The following CEP128 variants were observed in gnomAD, a reference collection of about 807,000 sequenced individuals.
CEP128 encodes the protein centrosomal protein 128kDa.
A neutral mutation model predicts 156.7 loss-of-function variants in CEP128; 132 were observed. That is an observed-to-expected ratio of 0.84 (90% CI 0.73 to 0.97). The LOEUF is 0.97. Among genes scored for constraint, CEP128 ranks in the 50% least tolerant of loss-of-function variants. The probability of loss-of-function intolerance (pLI) is 0.00; values close to 1 mark genes in which losing one functional copy is unlikely to be tolerated. For missense variants in CEP128, 1,252 were observed against 1,281.9 expected (o/e 0.98, Z 0.36); for synonymous variants, 469 against 448.9 (o/e 1.04, Z -0.57).
chr14:80,764,979 C>T (rs1030080571), intron 16 of CEP128, among the ~76,000 whole-genome samples: 1 of 152,140 alleles, frequency 6.6e-6, no homozygotes, highest in Admixed American at 6.5e-5. Context: ...CATACTTCAG[C>T]AGTTATAATT....
rs1319698723 is a variant in CEP128 at position 80,582,396 on chromosome 14, G to A, written c.2807-1973C>T. On this transcript the variant is annotated intron_variant, in intron 19 of 24. Coordinates refer to ENST00000555265, the MANE Select transcript of CEP128 (RefSeq NM_152446.5). ...ATAGAGATAACTAATAGATGCACTG[G>A]AAAAGAGGATCCCAAATCTGAAGGC... 2.0e-5 allele frequency among the ~76,000 whole-genome samples: 3 copies of A among 152,114 alleles called. No individual in the cohort carries two copies. The South Asian group carries it at 6.2e-4, about 32-fold the overall frequency.
At chr14:80,902,968 T>C (rs935546920) in intron 6 of CEP128, among the ~76,000 whole-genome samples, 3 of 152,284 alleles carry the variant, frequency 2.0e-5, no homozygotes, top group Non-Finnish European at 2.9e-5. Context: ...ACTTTGTACA[T>C]TGAAAATAAA....
At chr14:80,566,024 T>C (rs933249111) in intron 20 of CEP128, among the ~76,000 whole-genome samples, 2 of 152,154 alleles carry the variant, frequency 1.3e-5, no homozygotes, top group South Asian at 2.1e-4. Context: ...TTGAAGAGTA[T>C]AGAATAATTC....
chr14:80,691,848 T>C (rs560202191), intron 19 of CEP128, among the ~76,000 whole-genome samples: 2 of 152,328 alleles, frequency 1.3e-5, no homozygotes, highest in East Asian at 3.9e-4. Context: ...TTGTAAAGTG[T>C]TCCACACCTA....
At position 80,681,948 on chromosome 14, in the gene CEP128, A is replaced by C. The variant is rs181112053; in HGVS notation, c.2806+61127T>G. Among the ~76,000 whole-genome samples the C allele has an allele frequency of 1.8e-4, 27 of 152,270 alleles. No homozygotes were observed. The East Asian group carries it at 5.0e-3, about 28-fold the overall frequency. ...GCAAGGCCCTGTCTCTATGAAAAAAATAAACAAAAATAAGCCAGGCAGGGT... is the reference window on the plus strand; with the variant it reads ...GCAAGGCCCTGTCTCTATGAAAAAACTAAACAAAAATAAGCCAGGCAGGGT... On this transcript the variant is annotated intron_variant, in intron 19 of 24. Coordinates refer to ENST00000555265, the MANE Select transcript of CEP128 (RefSeq NM_152446.5).
At chr14:80,763,590 T>G (rs1007228142) in intron 16 of CEP128, among the ~76,000 whole-genome samples, 21 of 152,328 alleles carry the variant, frequency 1.4e-4, no homozygotes, top group Middle Eastern at 3.4e-3. Context: ...CCTGAACTCC[T>G]GAAGCAAATC....
rs144440047 is a variant in CEP128 at position 80,491,377 on chromosome 14, C to G, written c.*11-655G>C. Among the ~76,000 whole-genome samples, 1,283 of 152,032 alleles carry G rather than the reference C, an allele frequency of 8.4e-3. 9 individuals are homozygous for G. Among genetic ancestry groups the G allele is most frequent in the Middle Eastern group, 0.031 (9 of 292 alleles). ...CAGTGACTCTGGGCAGGAAGTGCCT[C>G]GTTAGAACTGTTGCATCTATTTTAC... On this transcript the variant is annotated intron_variant, in intron 6 of 6. Transcript: ENST00000556061.
chr14:80,946,585 A>G (rs1234309054), upstream of CEP128, among the ~76,000 whole-genome samples: 1 of 152,120 alleles, frequency 6.6e-6, no homozygotes, highest in Non-Finnish European at 1.5e-5. Context: ...ATCAATAAAA[A>G]GGTTCTGGAA....
chr14:80,646,484 C>T (rs757713495), intron 19 of CEP128, among the ~76,000 whole-genome samples: 1 of 151,752 alleles, frequency 6.6e-6, no homozygotes, highest in Non-Finnish European at 1.5e-5. Context: ...AAGTGAAGGT[C>T]AGATTGGGCA....
intron 19 of CEP128, among the ~76,000 whole-genome samples, chr14:80,630,106 A>G (rs1036932644): frequency 2.0e-5 from 3 of 151,842 alleles, no homozygotes; most frequent in African/African-American, 4.8e-5. Context: ...GCTTTGTTCA[A>G]TTTTGTTCTA....
chr14:80,941,304 A>G (rs1043959011), intron 1 of CEP128, among the ~76,000 whole-genome samples: 2 of 152,188 alleles, frequency 1.3e-5, no homozygotes, highest in Non-Finnish European at 2.9e-5. Flanking sequence ...CGGTAGAGCA[A>G]GCTGCTCCCA....
intron 16 of CEP128, among the ~76,000 whole-genome samples, chr14:80,773,489 A>G (rs1432107905): frequency 6.6e-6 from 1 of 152,160 alleles, no homozygotes; most frequent in Non-Finnish European, 1.5e-5. Context: ...AAACATATTC[A>G]AAATTAAAAT....
At position 80,784,945 on chromosome 14, in the gene CEP128, G is replaced by A. The variant is rs750358556; in HGVS notation, c.2161C>T (p.His721Tyr). 1.9e-6 allele frequency: 3 copies of A among 1,613,878 alleles called. No individual in the cohort carries two copies. Among genetic ancestry groups the A allele is most frequent in the Admixed American group, 1.7e-5 (1 of 60,012 alleles). Residue 721 changes from histidine (H) to tyrosine (Y), a missense_variant, in exon 15 of 25, where the codon CAC becomes TAC. Transcript: ENST00000555265. ...HEQNIQELMK[H>Y]FKKEKSEAEN... The stretch of plus-strand genomic sequence containing the variant: ...GCCTCACTCTTTTCTTTCTTAAAGT[G>A]CTTCATAAGCTCCTGGATATTCTGT...
At chr14:80,625,078 C>T (rs1893653387) in intron 19 of CEP128, among the ~76,000 whole-genome samples, 1 of 152,074 alleles carries the variant, frequency 6.6e-6, no homozygotes, top group Admixed American at 6.6e-5. Context: ...GTCTTTAATC[C>T]ATTTTGAGTC....
At chr14:80,918,040 T>A (rs193103987) in intron 2 of CEP128, among the ~76,000 whole-genome samples, 50 of 152,292 alleles carry the variant, frequency 3.3e-4, no homozygotes, top group African/African-American at 1.2e-3. Context: ...TCTGCACCTA[T>A]CTTCTCTGGT....
intron 19 of CEP128, among the ~76,000 whole-genome samples, chr14:80,679,206 T>C (rs1459441540): frequency 6.6e-6 from 1 of 152,084 alleles, no homozygotes; most frequent in Non-Finnish European, 1.5e-5. Context: ...CAGTGCACCT[T>C]GAAAATGAAC....
At chr14:80,647,721 G>A (rs1214361062) in intron 19 of CEP128, among the ~76,000 whole-genome samples, 1 of 152,050 alleles carries the variant, frequency 6.6e-6, no homozygotes, top group Non-Finnish European at 1.5e-5. Flanking sequence ...CCTACAACGT[G>A]CAGTATAGCC....
intron 19 of CEP128, among the ~76,000 whole-genome samples, chr14:80,719,790 C>G (rs1412577249): frequency 6.6e-6 from 1 of 152,052 alleles, no homozygotes; most frequent in Non-Finnish European, 1.5e-5. Context: ...CATGGCAATC[C>G]AGGAACTAAA....
At chr14:80,579,746 T>C (rs1198568703) in intron 20 of CEP128, among the ~76,000 whole-genome samples, 1 of 152,204 alleles carries the variant, frequency 6.6e-6, no homozygotes, top group African/African-American at 2.4e-5. Context: ...ATGTTTCCCC[T>C]AATAAAGACA....
Sources: allele counts gnomAD v4.1 joint callset (sites outside exome capture counted in the v4.1 genomes callset), GRCh38; gene constraint gnomAD v4.1.1; transcripts MANE v1.5; gene names NCBI Gene and HGNC (gene_info 2026-07-23, HGNC 2026-07-21).